The following SDK2 variants were observed in gnomAD, a reference collection of about 807,000 sequenced individuals.
SDK2 encodes sidekick cell adhesion molecule 2.
In SDK2, 105 loss-of-function variants were observed where a neutral mutation model predicts 253.9. That is an observed-to-expected ratio of 0.41 (90% CI 0.35 to 0.49). The LOEUF (loss-of-function observed/expected upper bound fraction) is 0.49. Ranked by LOEUF, SDK2 falls within the 20% of genes least tolerant of loss-of-function variation. SDK2 has a pLI of 0.06. For missense variants in SDK2, 2,608 were observed against 3,003.0 expected (o/e 0.87, Z 3.07); for synonymous variants, 1,249 against 1,234.9 (o/e 1.01, Z -0.24).
At chr17:73,497,340 T>C (rs1172944288) in intron 2 of SDK2, among the ~76,000 whole-genome samples, 1 of 152,212 alleles carries the variant, frequency 6.6e-6, no homozygotes, top group Non-Finnish European at 1.5e-5. Context: ...TCTGCCAGGC[T>C]GGTTTCCAAC....
rs1246382194 is a variant in SDK2, at chr17:73,618,377, C to T, written c.64+25648G>A. Among the ~76,000 whole-genome samples, 1 of 152,184 alleles carries T rather than the reference C, an allele frequency of 6.6e-6. No homozygotes were observed. The highest frequency in any genetic ancestry group is 6.5e-5 in the Admixed American group (1 of 15,276). ...CTGTGCCTGTGGATTCATTTATAGT[C>T]GTCAAAACAAGATTCTCCAGGGAGG... is the stretch of plus-strand genomic sequence containing the variant. On this transcript the variant is annotated intron_variant, in intron 1 of 44. Transcript: ENST00000392650. The surrounding 1 kb of genome is among the most constrained non-coding windows in gnomAD (Gnocchi z 4.1).
At chr17:73,458,397 C>T (rs2063542195) in intron 3 of SDK2, among the ~76,000 whole-genome samples, 1 of 152,182 alleles carries the variant, frequency 6.6e-6, no homozygotes, top group South Asian at 2.1e-4. Flanking sequence ...CAGAAAGGCC[C>T]GTCTGGCTCT....
At chr17:73,456,402 G>A (rs533371206) in intron 3 of SDK2, among the ~76,000 whole-genome samples, 3 of 152,316 alleles carry the variant, frequency 2.0e-5, no homozygotes, top group African/African-American at 7.2e-5. Context: ...GGAAGAGACA[G>A]AGTCAGAATT....
In SDK2 at chr17:73,395,273, C is replaced by T; in HGVS notation, c.3474G>A (p.Arg1158=). 6.2e-7 allele frequency: 1 copy of T among 1,613,936 alleles called. No homozygotes were observed. The highest frequency in any genetic ancestry group is 8.5e-7 in the Non-Finnish European group (1 of 1,179,876). ...LSHVVQDRVE[R]DYTIEDLEEW... is the part of the protein sequence containing the mutation. ...CCTCCAGGTCCTCGATGGTGTAGTC[C>T]CGCTCCACACGGTCCTGCACCACGT... The change falls in exon 25 of 45, where the codon CGG becomes CGA. Residue 1158 remains arginine (R), a synonymous_variant. Coordinates refer to ENST00000392650, the MANE Select transcript of SDK2 (RefSeq NM_001144952.2). The surrounding 1 kb of genome is among the most constrained non-coding windows in gnomAD (Gnocchi z 4.3).
At chr17:73,381,906 A>G (rs945387927) in intron 33 of SDK2, among the ~76,000 whole-genome samples, 17 of 147,980 alleles carry the variant, frequency 1.1e-4, no homozygotes, top group African/African-American at 4.0e-4. Context: ...AAAACAAAAA[A>G]CAAAAAAACA....
intron 1 of SDK2, among the ~76,000 whole-genome samples, chr17:73,584,332 C>T (rs1027360665): frequency 1.4e-4 from 21 of 152,182 alleles, no homozygotes; most frequent in Non-Finnish European, 2.5e-4. Context: ...GCTGCCTTGG[C>T]GGCCCCACCT....
chr17:73,599,323 G>A (rs982344201), intron 1 of SDK2, among the ~76,000 whole-genome samples: 10 of 152,178 alleles, frequency 6.6e-5, no homozygotes, highest in Non-Finnish European at 1.3e-4. Flanking sequence ...CTTGAGGTCA[G>A]GAGTTCAAGA....
intron 1 of SDK2, among the ~76,000 whole-genome samples, chr17:73,558,147 G>T (rs1429638427): frequency 6.6e-6 from 1 of 152,250 alleles, no homozygotes; most frequent in Non-Finnish European, 1.5e-5. Flanking sequence ...GGCAGGAGGG[G>T]TGCAGGTCTG....
chr17:73,394,310 G>A lies in SDK2; in HGVS notation c.3607C>T (p.Pro1203Ser). ...GTGGCCAGTGCAGACACATTGGTGG[G>A]GCCGGAAGAGGGAACTGTGGGGGAA... ...RTRESVPSSGPTNVSALATTS... is the reference protein window; with the variant it reads ...RTRESVPSSGSTNVSALATTS... The change falls in exon 26 of 45, where the codon CCC (proline) becomes TCC (serine). Residue 1203 changes from proline (P) to serine (S), a missense_variant. Physicochemically the swap from Pro to Ser is moderately conservative, Grantham distance 74. Coordinates refer to ENST00000392650, the MANE Select transcript of SDK2 (RefSeq NM_001144952.2). 1.3e-6 allele frequency: 2 copies of A among 1,585,062 alleles called. No individual in the cohort carries two copies. The highest frequency in any genetic ancestry group is 1.7e-6 in the Non-Finnish European group (2 of 1,162,344).
intron 1 of SDK2, among the ~76,000 whole-genome samples, chr17:73,557,709 T>C (rs78152105): frequency 0.01 from 1,539 of 152,260 alleles, 10 homozygotes; most frequent in Middle Eastern, 0.058. Context: ...CCCTCTTTTC[T>C]TTCCTTCCTT....
At chr17:73,614,954 G>C (rs575642857) in intron 1 of SDK2, among the ~76,000 whole-genome samples, 1 of 148,782 alleles carries the variant, frequency 6.7e-6, no homozygotes, top group Non-Finnish European at 1.5e-5. Context: ...TAACAAACCC[G>C]CATGTGTGTC....
In SDK2 at chr17:73,352,524, C is replaced by A. The variant is rs1054851364; in HGVS notation, c.5707G>T (p.Val1903Phe). The change falls in exon 41 of 45, where the codon GTC (valine) becomes TTC (phenylalanine). Residue 1903 changes from valine (V) to phenylalanine (F), a missense_variant. Val to Phe is a conservative substitution (Grantham distance 50). Coordinates refer to ENST00000392650, the MANE Select transcript of SDK2 (RefSeq NM_001144952.2). The surrounding 1 kb of genome is among the most constrained non-coding windows in gnomAD (Gnocchi z 4.1). The stretch of plus-strand genomic sequence containing the variant: ...GGGGTGCCGAAACCATAGTCGTTGA[C>A]CGCGATGACCCGGAAGTCATAGCTC... ...GVSYDFRVIA[V>F]NDYGFGTPSS... The A allele has an allele frequency of 1.2e-6, 2 of 1,613,970 alleles. No individual in the cohort carries two copies.
intron 38 of SDK2, among the ~76,000 whole-genome samples, chr17:73,364,709 C>T (rs1322615409): frequency 6.6e-6 from 1 of 152,162 alleles, no homozygotes; most frequent in South Asian, 2.1e-4. Context: ...GCAACCTCTG[C>T]CTGCCGGGTT....
intron 1 of SDK2, among the ~76,000 whole-genome samples, chr17:73,532,019 T>C (rs2145804617): frequency 6.6e-6 from 1 of 152,226 alleles, no homozygotes; most frequent in Non-Finnish European, 1.5e-5. Context: ...TATGCATTCG[T>C]CTCTCTCTAG....
intron 25 of SDK2, 124 bp from the exon 26 acceptor site, chr17:73,394,448 G>A (rs1013107012): frequency 7.8e-6 from 4 of 510,436 alleles, no homozygotes; most frequent in Non-Finnish European, 1.3e-5. Flanking sequence ...TGGAAGAAAC[G>A]TGGCACACAT....
At chr17:73,592,913 C>A (rs1316568653) in intron 1 of SDK2, among the ~76,000 whole-genome samples, 1 of 152,284 alleles carries the variant, frequency 6.6e-6, no homozygotes, top group South Asian at 2.1e-4. Flanking sequence ...AACCTCAGCT[C>A]ACCCCGGTAA....
intron 1 of SDK2, among the ~76,000 whole-genome samples, chr17:73,611,858 G>A (rs1382689288): frequency 1.3e-5 from 2 of 152,178 alleles, no homozygotes; most frequent in African/African-American, 2.4e-5. Context: ...CGCCACCAGA[G>A]CCCAGGGTCA....
rs2270721 is a variant in SDK2, at chr17:73,386,341, C to T, written c.4498+104G>A. The T allele has an allele frequency of 6.3e-3, 5,339 of 849,486 alleles. 153 individuals are homozygous for T. The East Asian group carries it at 0.079, about 13-fold the overall frequency. The allele number at this position is 849,486 out of a possible 1,614,324, so 52.6% of individuals were successfully genotyped here. ...GAGCTGAAGGGCCCAGTGGGTCCCA[C>T]GCCTCTCTCATCTTTGGAGGCCCCT... On this transcript the variant is annotated intron_variant, in intron 31 of 44. Transcript: ENST00000392650.
chr17:73,514,925 C>T (rs1426182527), intron 1 of SDK2, among the ~76,000 whole-genome samples: 2 of 152,258 alleles, frequency 1.3e-5, no homozygotes, highest in African/African-American at 4.8e-5. Context: ...GGACCACACA[C>T]CTGAGCAGGA....
Sources: gnomAD v4.1 joint callset for allele counts (sites outside exome capture counted in the v4.1 genomes callset) on GRCh38, gnomAD v4.1.1 for gene constraint, Gnocchi (gnomAD v3.1) non-coding constraint, MANE v1.5 for transcripts, NCBI Gene and HGNC (gene_info 2026-07-23, HGNC 2026-07-21) for gene names.